The following PIDD1 variants were observed in gnomAD, a reference collection of about 807,000 sequenced individuals.
PIDD1 encodes the protein p53-induced death domain protein 1, also known as p53-induced death domain-containing protein 1.
PIDD1 carries 72 observed loss-of-function variants against 80.0 expected under a neutral mutation model. The observed-to-expected ratio is 0.90, with a 90% CI of 0.74 to 1.09. The LOEUF is 1.09. PIDD1 is among the 50% of genes least tolerant of loss of function. PIDD1 has a pLI of 0.00. For synonymous variants in PIDD1, 655 were observed against 543.5 expected (o/e 1.21, Z -2.85); for missense variants, 1,329 against 1,228.3 (o/e 1.08, Z -1.23).
upstream of PIDD1, among the ~76,000 whole-genome samples, chr11:809,202 C>A (rs1444219394): frequency 2.6e-5 from 4 of 152,258 alleles, no homozygotes; most frequent in African/African-American, 9.6e-5. Context: ...CACATGGACA[C>A]CGAGGTCAGT....
rs1865316486 is a variant in PIDD1, at chr11:801,489, A to C, written c.1438T>G (p.Phe480Val). The change falls in exon 8 of 16, where the codon TTC becomes GTC. Residue 480 changes from phenylalanine to valine, a missense_variant. By Grantham distance (50) the Phe-to-Val change is conservative (BLOSUM62 -1). Transcript: ENST00000347755. ...SSGHPGVKVI[F>V]PPGATEEPRR... Reference sequence around the variant, plus strand: ...GGCTCCTCAGTGGCCCCAGGGGGGAAGATGACTTTGACCCCAGGATGACCC... The same window carrying C: ...GGCTCCTCAGTGGCCCCAGGGGGGACGATGACTTTGACCCCAGGATGACCC... 3 of 1,547,672 alleles carry C rather than the reference A, an allele frequency of 1.9e-6. No individual in the cohort carries two copies. The highest frequency in any genetic ancestry group is 2.6e-6 in the Non-Finnish European group (3 of 1,144,676).
At position 800,747 on chromosome 11, in the gene PIDD1, G is replaced by A. The variant is rs556776411; in HGVS notation, c.1917+15C>T. On this transcript the variant is annotated intron_variant, in intron 11 of 15. Transcript: ENST00000347755. ...TCTGGTCACCACCCTGCTGCCCTCC[G>A]GCCCGTGCCCCCACCTTGTTTCGGG... 8.0e-4 allele frequency: 1,236 copies of A among 1,545,454 alleles called. 25 individuals are homozygous for A. The South Asian group carries it at 0.013, about 17-fold the overall frequency.
At chr11:802,959 G>C in intron 3 of PIDD1, 68 bp from the exon 4 acceptor site, 1 of 1,324,900 alleles carries the variant, frequency 7.5e-7, no homozygotes, top group Non-Finnish European at 1.1e-6. Flanking sequence ...TCCTGCTGCC[G>C]CCTCCCAGAG....
In PIDD1 at chr11:800,671, G is replaced by T; in HGVS notation, c.1918-5C>A. The T allele has an allele frequency of 6.3e-7, 1 of 1,576,738 alleles. No homozygotes were observed. The highest frequency in any genetic ancestry group is 8.6e-7 in the Non-Finnish European group (1 of 1,167,910). ...CCGCCGAAGGGTGGCGTCCACCTGC[G>T]GGGAAGCCCGTGCAGCTCAGGACCC... On this transcript the variant is annotated splice_polypyrimidine_tract_variant and splice_region_variant and intron_variant, in intron 11 of 15. Coordinates refer to ENST00000347755, the MANE Select transcript of PIDD1 (RefSeq NM_145886.4).
In PIDD1 at chr11:800,681, G is replaced by A. The variant is rs373739018; in HGVS notation, c.1918-15C>T. The A allele has an allele frequency of 2.6e-4, 407 of 1,570,636 alleles. No homozygotes were observed. The highest frequency in any genetic ancestry group is 3.2e-4 in the Non-Finnish European group (375 of 1,164,794). On this transcript the variant is annotated splice_polypyrimidine_tract_variant and intron_variant, in intron 11 of 15. Transcript: ENST00000347755. ...GTGGCGTCCACCTGCGGGGAAGCCC[G>A]TGCAGCTCAGGACCCAAAGCTCTGC...
intron 6 of PIDD1, 30 bp from the exon 7 acceptor site, chr11:802,120 A>AGCCACGCCCGGGCCCGCACACTGCCCCT: frequency 1.3e-6 from 2 of 1,565,294 alleles, no homozygotes. Flanking sequence ...TGAGCACTGG[A>AGCCACGCCCGGGCCCGCACACTGCCCCT]GCCATGCCCG....
At position 800,358 on chromosome 11, in the gene PIDD1, C is replaced by T. The variant is rs749798495; in HGVS notation, c.2135G>A (p.Arg712Gln). Residue 712 changes from arginine to glutamine, a missense_variant, in exon 13 of 16, where the codon CGG (arginine) becomes CAG (glutamine). Coordinates refer to ENST00000347755, the MANE Select transcript of PIDD1 (RefSeq NM_145886.4). ...CTGGCCCCGCACAGCCTGAGCCTCC[C>T]GGTCCAGAGTGGTGGTCACGTATAC... ...KEVYVTTTLD[R>Q]EAQAVRGQVS... 48 of 1,611,974 alleles carry T rather than the reference C, an allele frequency of 3.0e-5. No homozygotes were observed. Among genetic ancestry groups the T allele is most frequent in the African/African-American group, 5.4e-5 (4 of 74,654 alleles).
rs752977536 is a variant in PIDD1 at position 800,844 on chromosome 11, C to T, written c.1835G>A (p.Arg612Gln). 4 of 1,570,164 alleles carry T rather than the reference C, an allele frequency of 2.5e-6. No homozygotes were observed. The highest frequency in any genetic ancestry group is 1.9e-5 in the Admixed American group (1 of 52,994). The change falls in exon 11 of 16, where the codon CGG becomes CAG. Residue 612 changes from arginine (R) to glutamine (Q), a missense_variant. Arg to Gln is a conservative substitution (Grantham distance 43). Transcript: ENST00000347755. Reference sequence around the variant, plus strand: ...AGCGATGAGGTTCACACGGTGCAGCCGCAGCCGCTCCCAGGCCTTCCGAGC... The same window carrying T: ...AGCGATGAGGTTCACACGGTGCAGCTGCAGCCGCTCCCAGGCCTTCCGAGC... ...GLARKAWERL[R>Q]LHRVNLIALQ...
chr11:802,968 A>G, intron 3 of PIDD1, 77 bp from the exon 4 acceptor site: 1 of 1,301,100 alleles, frequency 7.7e-7, no homozygotes, highest in Non-Finnish European at 1.1e-6. Context: ...CGCCTCCCAG[A>G]GCAGCTGTTT....
At chr11:802,423 G>T (rs1046380234) in intron 5 of PIDD1, 27 bp from the exon 6 acceptor site, 16 of 1,605,628 alleles carry the variant, frequency 1.0e-5, no homozygotes, top group Non-Finnish European at 1.4e-5. Context: ...CGAGCAACAG[G>T]TTAGACCCAG....
Position 802,086 on chromosome 11 carries a change from A to G in PIDD1, c.1181T>C (p.Val394Ala), listed in dbSNP as rs1865392121. The change falls in exon 7 of 16, where the codon GTG becomes GCG. Residue 394 changes from valine to alanine, a missense_variant. By Grantham distance (64) the Val-to-Ala change is moderately conservative. Coordinates refer to ENST00000347755, the MANE Select transcript of PIDD1 (RefSeq NM_145886.4). ...QPHGVAFQQD[V>A]GLWLLFTPPQ... ...TGGGGTGAAGAGCAGCCACAGCCCC[A>G]CATCCTGCCAGACAAGGATGGTGTG... 6.3e-7 allele frequency: 1 copy of G among 1,577,030 alleles called. No individual in the cohort carries two copies. Among genetic ancestry groups the G allele is most frequent in the East Asian group, 2.3e-5 (1 of 43,224 alleles).
chr11:805,498 A>C (rs1590157149), upstream of PIDD1: 2 of 568,428 alleles, frequency 3.5e-6, no homozygotes, highest in Non-Finnish European at 4.5e-6. Flanking sequence ...CCGGAAGGCC[A>C]CGAAACCCGC....
chr11:801,724 G>A (rs1284376583), intron 7 of PIDD1, 100 bp from the exon 8 acceptor site: 3 of 1,137,116 alleles, frequency 2.6e-6, no homozygotes, highest in Non-Finnish European at 3.9e-6. Context: ...CGGGGTGGAA[G>A]GTGCCAGGGA....
At chr11:802,661 C>A in intron 4 of PIDD1, 21 bp downstream of exon 4, 1 of 1,607,632 alleles carries the variant, frequency 6.2e-7, no homozygotes, top group South Asian at 1.1e-5. Context: ...CCAGGTCTGC[C>A]CCTTCTAGCA....
Position 803,294 on chromosome 11 carries a change from G to C in PIDD1, c.589C>G (p.Gln197Glu), listed in dbSNP as rs763874435. ...AGATTCTGAGAGAGATCGAGGCGCTGCAGGGTGGATAGGGCCCCCAGTGCT... is the reference window on the plus strand; with the variant it reads ...AGATTCTGAGAGAGATCGAGGCGCTCCAGGGTGGATAGGGCCCCCAGTGCT... ...PPALGALSTL[Q>E]RLDLSQNLLD... is the part of the protein sequence containing the mutation. The change falls in exon 3 of 16, where the codon CAG (glutamine) becomes GAG (glutamate). Residue 197 changes from glutamine to glutamate, a missense_variant. Transcript: ENST00000347755. 40 of 1,613,706 alleles carry C rather than the reference G, an allele frequency of 2.5e-5. No individual in the cohort carries two copies. In the Middle Eastern group the frequency reaches 1.3e-3, roughly 53 times the overall value.
At position 801,326 on chromosome 11, in the gene PIDD1, C is replaced by T; in HGVS notation, c.1522G>A (p.Gly508Arg). 1 of 1,608,016 alleles carries T rather than the reference C, an allele frequency of 6.2e-7. No individual in the cohort carries two copies. Residue 508 changes from glycine to arginine, a missense_variant, in exon 9 of 16, where the codon GGA (glycine) becomes AGA (arginine). Coordinates refer to ENST00000347755, the MANE Select transcript of PIDD1 (RefSeq NM_145886.4). ...MAGRELQALL[G>R]EPEAAVSPLL... is the part of the protein sequence containing the mutation. ...GGGCTCACTGCAGCCTCTGGTTCTC[C>T]CAGGAGGGCCTGCAGCTCTCGGCCA...
Position 802,283 on chromosome 11 carries a change from G to A in PIDD1, c.1088C>T (p.Pro363Leu), listed in dbSNP as rs764139061. 8.1e-6 allele frequency: 13 copies of A among 1,611,790 alleles called. No homozygotes were observed. The highest frequency in any genetic ancestry group is 2.2e-5 in the South Asian group (2 of 91,062). ...ACCCAGGGGGACGAGGCCTGGCTCC[G>A]GCAGCAGCAGCCGATAGCGGATGGT... ...PITIRYRLLL[P>L]EPGLVPLGPH... The change falls in exon 6 of 16, where the codon CCG (proline) becomes CTG (leucine). Residue 363 changes from proline (P) to leucine (L), a missense_variant. Physicochemically the swap from Pro to Leu is moderately conservative, Grantham distance 98. Transcript: ENST00000347755.
Position 800,760 on chromosome 11 carries a change from A to C in PIDD1, c.1917+2T>G. 6.5e-7 allele frequency: 1 copy of C among 1,546,400 alleles called. No homozygotes were observed. The highest frequency in any genetic ancestry group is 8.7e-7 in the Non-Finnish European group (1 of 1,146,386). On this transcript the variant is annotated splice_donor_variant, in intron 11 of 15. Transcript: ENST00000347755. LOFTEE classifies it high-confidence loss of function. ...CTGCTGCCCTCCGGCCCGTGCCCCCACCTTGTTTCGGGGCAGGCACTGCAG... is the reference window on the plus strand; with the variant it reads ...CTGCTGCCCTCCGGCCCGTGCCCCCCCCTTGTTTCGGGGCAGGCACTGCAG...
At position 802,827 on chromosome 11, in the gene PIDD1, G is replaced by A. The variant is rs775277129; in HGVS notation, c.774C>T (p.Asp258=). The change falls in exon 4 of 16, where the codon GAC becomes GAT. Residue 258 remains aspartate, a synonymous_variant. Transcript: ENST00000347755. ...HSNLLASVPA[D]LARLPLLTRL... Reference sequence around the variant, plus strand: ...GGGTGAGGAGTGGAAGGCGGGCCAAGTCAGCTGGCACAGAGGCCAGGAGGT... The same window carrying A: ...GGGTGAGGAGTGGAAGGCGGGCCAAATCAGCTGGCACAGAGGCCAGGAGGT... The A allele has an allele frequency of 2.4e-5, 39 of 1,598,692 alleles. 1 individual carries two copies. The South Asian group carries it at 4.0e-4, about 17-fold the overall frequency.
Sources: gnomAD v4.1 joint callset for allele counts (sites outside exome capture counted in the v4.1 genomes callset) on GRCh38, gnomAD v4.1.1 for gene constraint, MANE v1.5 for transcripts, NCBI Gene and HGNC (gene_info 2026-07-23, HGNC 2026-07-21) for gene names.